PTPRD: variants seen among roughly 807,000 people sequenced by gnomAD.
The protein encoded by PTPRD is receptor-type tyrosine-protein phosphatase delta.
In PTPRD, 34 loss-of-function variants were observed where a neutral mutation model predicts 214.5. The ratio of observed to expected loss-of-function variants is 0.16; its 90% CI spans 0.12 to 0.21. The LOEUF is 0.21. Among genes scored for constraint, PTPRD ranks in the 10% least tolerant of loss-of-function variants. The pLI, the probability that PTPRD is intolerant of heterozygous loss-of-function variation, is 1.00. For missense variants in PTPRD, 2,545 were observed against 2,398.7 expected (o/e 1.06, Z -1.27); for synonymous variants, 1,128 against 845.7 (o/e 1.33, Z -5.79).
chr9:8,695,271 A>C (rs1398757848), intron 12 of PTPRD, among the ~76,000 whole-genome samples: 1 of 152,134 alleles, frequency 6.6e-6, no homozygotes, highest in Non-Finnish European at 1.5e-5. Context: ...ATTTGCTCTA[A>C]ATTTTCATTC....
At chr9:10,274,064 G>C (rs916063535) in intron 3 of PTPRD, among the ~76,000 whole-genome samples, 6 of 151,958 alleles carry the variant, frequency 3.9e-5, no homozygotes, top group Non-Finnish European at 7.4e-5. Flanking sequence ...AATGGCTGTG[G>C]GTTTCTGTTT....
At chr9:9,282,095 G>A (rs1269036421) in intron 9 of PTPRD, among the ~76,000 whole-genome samples, 1 of 146,438 alleles carries the variant, frequency 6.8e-6, no homozygotes, top group Non-Finnish European at 1.5e-5. Context: ...GTTACCCAGA[G>A]TAAGGAAGGA....
At chr9:9,325,147 T>C (rs192421845) in intron 9 of PTPRD, among the ~76,000 whole-genome samples, 2,602 of 152,270 alleles carry the variant, frequency 0.017, 73 homozygotes, top group African/African-American at 0.06. Context: ...CTTTGTTCTT[T>C]TGGCTTAGGA....
At chr9:8,988,606 G>T (rs887917544) in intron 11 of PTPRD, among the ~76,000 whole-genome samples, 2 of 152,050 alleles carry the variant, frequency 1.3e-5, no homozygotes, top group African/African-American at 4.8e-5. Flanking sequence ...TTTCCAAAAA[G>T]AAATCTCTTC....
chr9:9,831,116 G>T (rs1466107696), intron 5 of PTPRD, among the ~76,000 whole-genome samples: 1 of 151,902 alleles, frequency 6.6e-6, no homozygotes, highest in Non-Finnish European at 1.5e-5. Flanking sequence ...TCAGGGTGTA[G>T]CACTGATGTC....
intron 39 of PTPRD, among the ~76,000 whole-genome samples, chr9:8,346,041 T>C (rs7848455): frequency 0.14 from 20,698 of 152,020 alleles, 1,871 homozygotes; most frequent in East Asian, 0.35. Context: ...TCTTCAAGTT[T>C]ATCAAAAATA....
chr9:10,490,207 G>C (rs1283891076), intron 2 of PTPRD, among the ~76,000 whole-genome samples: 1 of 152,126 alleles, frequency 6.6e-6, no homozygotes, highest in East Asian at 1.9e-4. Context: ...TAAATTGGTA[G>C]ACAGGAGAAA....
chr9:9,318,545 T>A (rs900811122), intron 9 of PTPRD, among the ~76,000 whole-genome samples: 1 of 152,212 alleles, frequency 6.6e-6, no homozygotes, highest in Non-Finnish European at 1.5e-5. Context: ...AGCATCCAAA[T>A]ACTTTAGATC....
At chr9:9,442,729 T>C (rs1242756639) in intron 8 of PTPRD, among the ~76,000 whole-genome samples, 1 of 152,192 alleles carries the variant, frequency 6.6e-6, no homozygotes, top group African/African-American at 2.4e-5. Context: ...ACAGAGAATG[T>C]TGCCATTGAT....
chr9:9,022,383 G>A (rs1291976973), intron 10 of PTPRD, among the ~76,000 whole-genome samples: 3 of 151,958 alleles, frequency 2.0e-5, no homozygotes, highest in Non-Finnish European at 4.4e-5. Context: ...GTCCTATGCA[G>A]GTGTACTATT....
At chr9:8,452,058 A>G (rs892691328) in intron 33 of PTPRD, among the ~76,000 whole-genome samples, 4 of 152,220 alleles carry the variant, frequency 2.6e-5, no homozygotes, top group Non-Finnish European at 5.9e-5. Context: ...TGTGAGTCTC[A>G]GAAAACTCAA....
chr9:10,520,678 G>C (rs2051895317), intron 2 of PTPRD, among the ~76,000 whole-genome samples: 1 of 152,100 alleles, frequency 6.6e-6, no homozygotes, highest in South Asian at 2.1e-4. Context: ...TGACTCTCTT[G>C]CTAGGAGCTA....
intron 11 of PTPRD, among the ~76,000 whole-genome samples, chr9:8,751,349 T>C (rs1443407396): frequency 6.6e-6 from 1 of 151,938 alleles, no homozygotes; most frequent in Non-Finnish European, 1.5e-5. Flanking sequence ...ATTACGGATC[T>C]CTATGGCCAC....
intron 3 of PTPRD, among the ~76,000 whole-genome samples, chr9:10,182,086 C>G (rs2099295888): frequency 6.8e-6 from 1 of 146,668 alleles, no homozygotes; most frequent in African/African-American, 2.5e-5. Flanking sequence ...AAACCTGTCT[C>G]TACTAAAAAT....
chr9:8,345,931 C>A (rs1857186709), intron 39 of PTPRD, among the ~76,000 whole-genome samples: 1 of 152,026 alleles, frequency 6.6e-6, no homozygotes, highest in Non-Finnish European at 1.5e-5. Context: ...GATAATGCTC[C>A]AAAAGTTCTG....
At chr9:8,511,262 G>A (rs1003476697) in intron 21 of PTPRD, among the ~76,000 whole-genome samples, 6 of 151,834 alleles carry the variant, frequency 4.0e-5, no homozygotes, top group African/African-American at 1.5e-4. Flanking sequence ...GTACAGACAG[G>A]GTCTCAATAT....
At chr9:9,509,817 TA>T in intron 8 of PTPRD, among the ~76,000 whole-genome samples, 1 of 151,656 alleles carries the variant, frequency 6.6e-6, no homozygotes, top group South Asian at 2.1e-4. Context: ...AAAAAAACAT[TA>T]AAAAATATTT....
intron 11 of PTPRD, among the ~76,000 whole-genome samples, chr9:8,844,602 T>C (rs987644944): frequency 6.6e-6 from 1 of 152,196 alleles, no homozygotes; most frequent in Non-Finnish European, 1.5e-5. Context: ...TTGTCTGCTC[T>C]ACCAAGGTGA....
chr9:8,730,543 T>A (rs1415265312), intron 12 of PTPRD, among the ~76,000 whole-genome samples: 1 of 152,238 alleles, frequency 6.6e-6, no homozygotes, highest in Non-Finnish European at 1.5e-5. Context: ...ATGCTACAAG[T>A]GATTTCGTTA....
Sources: allele counts gnomAD v4.1 joint callset (sites outside exome capture counted in the v4.1 genomes callset), GRCh38; gene constraint gnomAD v4.1.1; transcripts MANE v1.5; gene names NCBI Gene and HGNC (gene_info 2026-07-23, HGNC 2026-07-21).